Variants in GOPC observed in about 807,000 individuals in gnomAD.
GOPC encodes the protein golgi associated PDZ and coiled-coil motif containing.
A neutral mutation model predicts 51.2 loss-of-function variants in GOPC; 32 were observed. That is an observed-to-expected ratio of 0.63 (90% CI 0.47 to 0.84). The LOEUF is 0.84. Ranked by LOEUF, GOPC falls within the 40% of genes least tolerant of loss-of-function variation. GOPC has a pLI of 0.00. For synonymous variants in GOPC, 190 were observed against 205.1 expected, an observed-to-expected ratio of 0.93 and a Z score of 0.63; for missense variants, 441 against 555.5, an observed-to-expected ratio of 0.79 and a Z score of 2.07.
At chr6:117,572,306 A>G (rs891740715) in intron 5 of GOPC, among the ~76,000 whole-genome samples, 2 of 152,138 alleles carry the variant, frequency 1.3e-5, no homozygotes, top group Admixed American at 6.6e-5. Context: ...TTAGTCACCA[A>G]TCAAGCCCTC....
intron 1 of GOPC, among the ~76,000 whole-genome samples, chr6:117,587,450 G>A (rs923682432): frequency 4.6e-5 from 7 of 151,688 alleles, no homozygotes; most frequent in African/African-American, 1.7e-4. Flanking sequence ...GCCAGTCTGG[G>A]CAACACAGCA....
At chr6:117,574,355 T>G (rs1779848563) in intron 4 of GOPC, among the ~76,000 whole-genome samples, 2 of 152,198 alleles carry the variant, frequency 1.3e-5, no homozygotes, top group African/African-American at 4.8e-5. Context: ...TAAAAGAATA[T>G]GCACAAAATG....
At chr6:117,585,140 C>T (rs1461702497) in intron 1 of GOPC, among the ~76,000 whole-genome samples, 1 of 152,170 alleles carries the variant, frequency 6.6e-6, no homozygotes, top group African/African-American at 2.4e-5. Flanking sequence ...AATTCTAAGC[C>T]TCCTTCACTC....
At chr6:117,595,262 T>C (rs1050916827) in intron 1 of GOPC, among the ~76,000 whole-genome samples, 2 of 152,208 alleles carry the variant, frequency 1.3e-5, no homozygotes, top group African/African-American at 4.8e-5. Context: ...GTCTAAATCC[T>C]ACATAGAAGG....
chr6:117,592,282 G>C (rs1419060289), intron 1 of GOPC, among the ~76,000 whole-genome samples: 1 of 152,074 alleles, frequency 6.6e-6, no homozygotes, highest in East Asian at 1.9e-4. Flanking sequence ...CAGGAGAATT[G>C]CTTGAACCCA....
At chr6:117,567,063 C>A in intron 7 of GOPC, 29 bp from the exon 8 acceptor site, 7 of 1,499,344 alleles carry the variant, frequency 4.7e-6, no homozygotes, top group Non-Finnish European at 6.3e-6. Flanking sequence ...ATGAGAAAGT[C>A]AAGTTATTGT....
chr6:117,566,883 T>C lies in GOPC; in HGVS notation c.1229A>G (p.Asp410Gly), dbSNP rs760911403. 2 of 1,590,154 alleles carry C rather than the reference T, an allele frequency of 1.3e-6. No homozygotes were observed. Among genetic ancestry groups the C allele is most frequent in the African/African-American group, 2.7e-5 (2 of 74,102 alleles). ...GGGNPGASCKDTSGEIKVLQG... is the reference protein window; with the variant it reads ...GGGNPGASCKGTSGEIKVLQG... ...TAATACTTTGATTTCCCCACTTGTG[T>C]CTTTGCAACTAGCACCAGGGTTACC... The change falls in exon 8 of 9, where the codon GAC becomes GGC. Residue 410 changes from aspartate to glycine, a missense_variant. Around this residue, in one of 3 missense-constraint regions of GOPC, gnomAD observed 71 missense variants for 68.8 expected, o/e 1.03. Transcript: ENST00000368498.
At chr6:117,601,307 C>A (rs1238516587) in intron 1 of GOPC, among the ~76,000 whole-genome samples, 1 of 152,110 alleles carries the variant, frequency 6.6e-6, no homozygotes, top group Admixed American at 6.6e-5. Context: ...GAGATTAAAG[C>A]AAATGATTCT....
chr6:117,580,231 C>G (rs1485637085), intron 1 of GOPC, among the ~76,000 whole-genome samples: 4 of 152,012 alleles, frequency 2.6e-5, no homozygotes, highest in African/African-American at 9.7e-5. Flanking sequence ...CTGCACCAAC[C>G]AGTGCCTAGT....
intron 1 of GOPC, among the ~76,000 whole-genome samples, chr6:117,590,757 G>A (rs1275303866): frequency 1.3e-5 from 2 of 152,054 alleles, no homozygotes; most frequent in Non-Finnish European, 2.9e-5. Flanking sequence ...AGGGAAAGGT[G>A]AGATATGAAA....
At chr6:117,597,809 C>A (rs1020459265) in intron 1 of GOPC, among the ~76,000 whole-genome samples, 2 of 151,572 alleles carry the variant, frequency 1.3e-5, no homozygotes, top group African/African-American at 4.9e-5. Flanking sequence ...GTATCTTGAA[C>A]AATATGTGCA....
At chr6:117,589,052 A>G (rs962578400) in intron 1 of GOPC, among the ~76,000 whole-genome samples, 1 of 152,206 alleles carries the variant, frequency 6.6e-6, no homozygotes, top group African/African-American at 2.4e-5. Flanking sequence ...CTAAAATTAA[A>G]AAGAAAAAAC....
intron 1 of GOPC, among the ~76,000 whole-genome samples, chr6:117,592,921 C>A (rs1439591409): frequency 1.3e-5 from 2 of 152,156 alleles, no homozygotes; most frequent in African/African-American, 4.8e-5. Flanking sequence ...TTTTCATCAG[C>A]CCCATTACCA....
In GOPC at chr6:117,599,349, G is replaced by A. The variant is rs529939529; in HGVS notation, c.285+2655C>T. Among the ~76,000 whole-genome samples the A allele has an allele frequency of 5.9e-5, 9 of 152,156 alleles. 1 individual carries two copies. The South Asian group carries it at 1.9e-3, about 32-fold the overall frequency. ...AATCCTTTTCCTAAAAAGTAAAAAA[G>A]GGCAAGAAAATATGGAAATTGTTTC... is the stretch of plus-strand genomic sequence containing the variant. On this transcript the variant is annotated intron_variant, in intron 1 of 8. Transcript: ENST00000368498.
intron 1 of GOPC, among the ~76,000 whole-genome samples, chr6:117,582,273 T>TACACACACACACACAC (rs71012364): frequency 9.2e-5 from 11 of 119,124 alleles, no homozygotes; most frequent in African/African-American, 3.7e-4. Flanking sequence ...CCTCCCCCCC[T>TACACACACACACACAC]ACACACACAC....
At chr6:117,582,119 A>G (rs1416625457) in intron 1 of GOPC, among the ~76,000 whole-genome samples, 1 of 151,656 alleles carries the variant, frequency 6.6e-6, no homozygotes, top group African/African-American at 2.4e-5. Flanking sequence ...CTGCCTTTTC[A>G]TATGTTTATT....
chr6:117,602,502 A>G lies in GOPC; in HGVS notation c.-214T>C, dbSNP rs1194200111. ...AACGGCGGCGACACACGGAAGACTC[A>G]GTCAGTCCCACCTCCCAGCCTGCCC... On this transcript the variant is annotated 5_prime_UTR_variant, in exon 1 of 9. Coordinates refer to ENST00000368498, the MANE Select transcript of GOPC (RefSeq NM_020399.4). 10 of 585,590 alleles carry G rather than the reference A, an allele frequency of 1.7e-5. No homozygotes were observed. The highest frequency in any genetic ancestry group is 2.1e-5 in the Non-Finnish European group (7 of 329,134). 36.3% of individuals were successfully genotyped at this position (585,590 alleles called of 1,614,324 possible).
chr6:117,587,002 T>C (rs1265843366), intron 1 of GOPC, among the ~76,000 whole-genome samples: 1 of 152,208 alleles, frequency 6.6e-6, no homozygotes, highest in East Asian at 1.9e-4. Context: ...AGAAATCTAA[T>C]GAGTCTTACT....
chr6:117,561,457 C>T lies in GOPC; in HGVS notation c.*1797G>A, dbSNP rs188517639. Reference sequence around the variant, plus strand: ...TTTCATGTCACAGCAAAAAGGTTTTCGGGTCTGCTACAATGGACAATTTTT... The same window carrying T: ...TTTCATGTCACAGCAAAAAGGTTTTTGGGTCTGCTACAATGGACAATTTTT... On this transcript the variant is annotated 3_prime_UTR_variant, in exon 9 of 9. Transcript: ENST00000368498. 4.4e-4 allele frequency: 97 copies of T among 221,754 alleles called. No homozygotes were observed. In the East Asian group the frequency reaches 6.3e-3, roughly 14 times the overall value. The allele number at this position is 221,754 out of a possible 1,614,324, so 13.7% of individuals were successfully genotyped here.
Sources: allele counts gnomAD v4.1 joint callset (sites outside exome capture counted in the v4.1 genomes callset), GRCh38; gene constraint gnomAD v4.1.1; regional missense constraint gnomAD v4.1.1; transcripts MANE v1.5; gene names NCBI Gene and HGNC (gene_info 2026-07-23, HGNC 2026-07-21).